Variants in MBD5 observed in about 807,000 individuals in gnomAD.
MBD5 encodes the protein methyl-CpG binding domain protein 5, also known as methyl-CpG-binding domain protein 5.
A neutral mutation model predicts 117.3 loss-of-function variants in MBD5; 13 were observed. That is an observed-to-expected ratio of 0.11 (90% CI 0.07 to 0.18). The LOEUF (loss-of-function observed/expected upper bound fraction) is 0.18. Ranked by LOEUF, MBD5 falls within the 10% of genes least tolerant of loss-of-function variation. MBD5 has a pLI of 1.00. For missense variants in MBD5, 1,879 were observed against 2,093.8 expected, an observed-to-expected ratio of 0.90 and a Z score of 2.00; for synonymous variants, 727 against 766.4, an observed-to-expected ratio of 0.95 and a Z score of 0.85.
Position 148,469,741 on chromosome 2 carries a change from A to G in MBD5, c.1798A>G (p.Ser600Gly), listed in dbSNP as rs759512804. ...NQNKLAGNNS[S>G]SSSNSGAVAG... ...AAACAAACTTGCTGGTAACAACAGTAGCAGCAGTAGCAATTCTGGAGCTGT... is the reference window on the plus strand; with the variant it reads ...AAACAAACTTGCTGGTAACAACAGTGGCAGCAGTAGCAATTCTGGAGCTGT... Residue 600 changes from serine (S) to glycine (G), a missense_variant, in exon 8 of 14, where the codon AGC becomes GGC. By Grantham distance (56) the Ser-to-Gly change is moderately conservative. This residue lies in a region of MBD5 where 1,666 missense variants were observed against 1,792.2 expected (regional missense o/e 0.93). Transcript: ENST00000642680. 2.5e-6 allele frequency: 4 copies of G among 1,613,988 alleles called. No homozygotes were observed. The highest frequency in any genetic ancestry group is 3.4e-6 in the Non-Finnish European group (4 of 1,179,888).
At chr2:148,112,793 C>T (rs577233669) in intron 1 of MBD5, among the ~76,000 whole-genome samples, 1 of 152,054 alleles carries the variant, frequency 6.6e-6, no homozygotes, top group Non-Finnish European at 1.5e-5. Context: ...ACTCAGAAAT[C>T]CCAGGAGTCC....
chr2:148,423,421 C>T (rs903854328), intron 4 of MBD5, among the ~76,000 whole-genome samples: 2 of 151,966 alleles, frequency 1.3e-5, no homozygotes, highest in African/African-American at 2.4e-5. Context: ...ATTGCATTTT[C>T]AACCCAGAAT....
At chr2:148,498,615 C>T (rs1176328845) in intron 11 of MBD5, among the ~76,000 whole-genome samples, 9 of 152,126 alleles carry the variant, frequency 5.9e-5, no homozygotes, top group African/African-American at 2.2e-4. Context: ...GGATTACAGG[C>T]GTGAGCCACC....
At chr2:148,455,890 TA>T (rs1373232352) in intron 4 of MBD5, among the ~76,000 whole-genome samples, 1 of 151,580 alleles carries the variant, frequency 6.6e-6, no homozygotes, top group Non-Finnish European at 1.5e-5. Context: ...AAAGGGACTG[TA>T]AAAAAAACAA....
intron 13 of MBD5, among the ~76,000 whole-genome samples, chr2:148,510,549 C>T (rs1185375355): frequency 6.6e-6 from 1 of 152,128 alleles, no homozygotes; most frequent in Non-Finnish European, 1.5e-5. Flanking sequence ...CTCTCATATC[C>T]CATTTTTATT....
chr2:148,115,941 T>C lies in MBD5; in HGVS notation c.-924-62759T>C, dbSNP rs190635385. ...CACTGCAACCTTGACCTCCCCAGGC[T>C]CAGGTGATCCTCCTACCTCAGCCTC... On this transcript the variant is annotated intron_variant, in intron 1 of 13. Transcript: ENST00000642680. Among the ~76,000 whole-genome samples the C allele has an allele frequency of 5.3e-5, 8 of 152,196 alleles. 1 individual carries two copies. The East Asian group carries it at 1.5e-3, about 29-fold the overall frequency.
intron 3 of MBD5, among the ~76,000 whole-genome samples, chr2:148,325,450 G>C (rs1409873075): frequency 6.6e-6 from 1 of 152,188 alleles, no homozygotes; most frequent in Non-Finnish European, 1.5e-5. Context: ...ATTCGGCTGT[G>C]AATCCGTCTG....
intron 4 of MBD5, among the ~76,000 whole-genome samples, chr2:148,350,497 A>G (rs192531851): frequency 6.6e-6 from 1 of 152,170 alleles, no homozygotes; most frequent in East Asian, 1.9e-4. Flanking sequence ...GATAGTGGGC[A>G]ATAGTTCAGT....
intron 1 of MBD5, among the ~76,000 whole-genome samples, chr2:148,112,211 G>A (rs1160648839): frequency 6.6e-6 from 1 of 152,160 alleles, no homozygotes; most frequent in Non-Finnish European, 1.5e-5. Flanking sequence ...AGAATTTATA[G>A]TTCTCCTAGC....
intron 1 of MBD5, among the ~76,000 whole-genome samples, chr2:148,098,620 A>T (rs1696125089): frequency 6.6e-6 from 1 of 152,154 alleles, no homozygotes; most frequent in South Asian, 2.1e-4. Flanking sequence ...CATAAATATC[A>T]TACCTAGGTT....
At chr2:148,398,788 C>G (rs1381305381) in intron 4 of MBD5, among the ~76,000 whole-genome samples, 2 of 152,142 alleles carry the variant, frequency 1.3e-5, no homozygotes. Context: ...GGTTTTAGGT[C>G]TAACATGTAA....
chr2:148,410,593 G>A (rs1705220251), intron 4 of MBD5, among the ~76,000 whole-genome samples: 1 of 152,078 alleles, frequency 6.6e-6, no homozygotes, highest in Non-Finnish European at 1.5e-5. Context: ...ACCACACCTA[G>A]CTAACTTTGG....
At chr2:148,201,344 C>G (rs6719543) in intron 2 of MBD5, among the ~76,000 whole-genome samples, 1 of 152,112 alleles carries the variant, frequency 6.6e-6, no homozygotes, top group Non-Finnish European at 1.5e-5. Context: ...GGTCTCCGGA[C>G]GAGGGAAACA....
At chr2:148,133,789 C>T (rs774449100) in intron 1 of MBD5, among the ~76,000 whole-genome samples, 3 of 152,094 alleles carry the variant, frequency 2.0e-5, no homozygotes, top group Non-Finnish European at 2.9e-5. Context: ...TGCCATTGCA[C>T]TCCAGCCTGG....
At position 148,483,756 on chromosome 2, in the gene MBD5, GA is replaced by G; in HGVS notation, c.3167del (p.Asn1056ThrfsTer27). 6.4e-7 allele frequency: 1 copy of G among 1,550,516 alleles called. No individual in the cohort carries two copies. The highest frequency in any genetic ancestry group is 8.7e-7 in the Non-Finnish European group (1 of 1,146,954). Reference protein sequence around the residue: ...AETLLTSPLGNPLPSFAGSDT... With the variant: ...AETLLTSPLGXPLPSFAGSDT... Reference sequence around the variant, plus strand: ...AGACCCTTTTAACCAGCCCCCTGGGGAACCCTTTACCAAGCTTTGCAGGCAG... The same window carrying G: ...AGACCCTTTTAACCAGCCCCCTGGGGACCCTTTACCAAGCTTTGCAGGCAG... On this transcript the variant is annotated frameshift_variant, in exon 9 of 14. Coordinates refer to ENST00000642680, the MANE Select transcript of MBD5 (RefSeq NM_001378120.1). LOFTEE classifies it high-confidence loss of function.
At chr2:148,150,022 A>C (rs1423566511) in intron 1 of MBD5, among the ~76,000 whole-genome samples, 1 of 130,540 alleles carries the variant, frequency 7.7e-6, no homozygotes, top group South Asian at 3.0e-4. Context: ...GCCCATGCCT[A>C]TGTCCTGAAT....
At chr2:148,268,504 G>A (rs944363466) in intron 3 of MBD5, among the ~76,000 whole-genome samples, 48 of 151,502 alleles carry the variant, frequency 3.2e-4, no homozygotes, top group African/African-American at 1.0e-3. Flanking sequence ...TAATTTAGTT[G>A]GTAGGCTTAG....
At chr2:148,432,924 G>A (rs1302568932) in intron 4 of MBD5, among the ~76,000 whole-genome samples, 1 of 152,102 alleles carries the variant, frequency 6.6e-6, no homozygotes, top group Non-Finnish European at 1.5e-5. Flanking sequence ...TAGTTTCATA[G>A]GAATAGCATT....
intron 4 of MBD5, among the ~76,000 whole-genome samples, chr2:148,426,941 A>G (rs1011823318): frequency 6.6e-6 from 1 of 152,180 alleles, no homozygotes; most frequent in African/African-American, 2.4e-5. Flanking sequence ...CCATGAACTC[A>G]AACAAATTTA....
Sources: allele counts gnomAD v4.1 joint callset (sites outside exome capture counted in the v4.1 genomes callset), GRCh38; gene constraint gnomAD v4.1.1; regional missense constraint gnomAD v4.1.1; transcripts MANE v1.5; gene names NCBI Gene and HGNC (gene_info 2026-07-23, HGNC 2026-07-21).